The following NAALADL2 variants were observed in gnomAD, a reference collection of about 807,000 sequenced individuals.
NAALADL2 encodes the protein N-acetylated alpha-linked acidic dipeptidase like 2.
A neutral mutation model predicts 87.2 loss-of-function variants in NAALADL2; 76 were observed. The ratio of observed to expected loss-of-function variants is 0.87; its 90% confidence interval spans 0.72 to 1.05. NAALADL2 has a LOEUF of 1.05. Among genes scored for constraint, NAALADL2 ranks in the 50% least tolerant of loss-of-function variants. NAALADL2 has a pLI of 0.00. For missense variants in NAALADL2, 1,089 were observed against 945.8 expected (o/e 1.15, Z -1.99); for synonymous variants, 354 against 331.0 (o/e 1.07, Z -0.75).
At chr3:175,232,357 G>A (rs1471898155) in intron 2 of NAALADL2, among the ~76,000 whole-genome samples, 1 of 151,972 alleles carries the variant, frequency 6.6e-6, no homozygotes, top group Non-Finnish European at 1.5e-5. Flanking sequence ...TCCTGTGTAG[G>A]CCACCTTGTA....
chr3:175,369,281 A>G (rs1766125720), intron 5 of NAALADL2, among the ~76,000 whole-genome samples: 1 of 151,374 alleles, frequency 6.6e-6, no homozygotes, highest in African/African-American at 2.4e-5. Flanking sequence ...ACATTTACAT[A>G]CACCTGATAT....
intron 11 of NAALADL2, among the ~76,000 whole-genome samples, chr3:175,652,050 C>T (rs1311324671): frequency 6.6e-6 from 1 of 152,194 alleles, no homozygotes; most frequent in Non-Finnish European, 1.5e-5. Flanking sequence ...AGATACTGTA[C>T]ATCAAATTTC....
At chr3:174,832,001 TTTTC>T (rs1335421445) in intron 3 of NAALADL2, among the ~76,000 whole-genome samples, 2 of 152,078 alleles carry the variant, frequency 1.3e-5, no homozygotes, top group African/African-American at 4.8e-5. Context: ...TTCTCTCTTT[TTTTC>T]TTTATTTGTC....
At chr3:175,013,244 A>T (rs1580015025) in intron 1 of NAALADL2, among the ~76,000 whole-genome samples, 4 of 87,866 alleles carry the variant, frequency 4.6e-5, no homozygotes, top group African/African-American at 2.5e-4. Flanking sequence ...CACATATATA[A>T]AATATATAAT....
intron 2 of NAALADL2, among the ~76,000 whole-genome samples, chr3:174,597,933 T>C (rs571209245): frequency 6.6e-6 from 1 of 152,316 alleles, no homozygotes; most frequent in African/African-American, 2.4e-5. Context: ...TTTCTTTTCA[T>C]AGCACTTATC....
chr3:175,220,119 C>T (rs139636278), intron 2 of NAALADL2, among the ~76,000 whole-genome samples: 99 of 151,090 alleles, frequency 6.6e-4, no homozygotes, highest in African/African-American at 2.3e-3. Context: ...TATATAAATA[C>T]AATTTATAAA....
At chr3:175,046,486 T>C (rs1428443890) in intron 1 of NAALADL2, among the ~76,000 whole-genome samples, 1 of 152,196 alleles carries the variant, frequency 6.6e-6, no homozygotes, top group African/African-American at 2.4e-5. Flanking sequence ...GTCTGGTTTA[T>C]CTAAGCACAA....
At chr3:175,571,765 G>C (rs1718114526) in intron 9 of NAALADL2, among the ~76,000 whole-genome samples, 1 of 152,110 alleles carries the variant, frequency 6.6e-6, no homozygotes, top group Non-Finnish European at 1.5e-5. Context: ...TTTCTCTTAA[G>C]GGAAATCCCT....
chr3:175,800,681 A>T (rs1308773260), intron 13 of NAALADL2, among the ~76,000 whole-genome samples: 1 of 152,172 alleles, frequency 6.6e-6, no homozygotes, highest in South Asian at 2.1e-4. Context: ...TTATACCAAC[A>T]TTATTGAGGG....
intron 11 of NAALADL2, among the ~76,000 whole-genome samples, chr3:175,673,225 C>T (rs1189442504): frequency 6.6e-6 from 1 of 152,114 alleles, no homozygotes; most frequent in East Asian, 1.9e-4. Context: ...AACTTTTGTA[C>T]AAGTCTAAAC....
At chr3:174,992,523 A>T (rs990016439) in intron 1 of NAALADL2, among the ~76,000 whole-genome samples, 18 of 151,994 alleles carry the variant, frequency 1.2e-4, no homozygotes, top group African/African-American at 4.3e-4. Flanking sequence ...TACTAACTCA[A>T]CATGTTTTTA....
chr3:175,767,835 T>C (rs1001542111), intron 13 of NAALADL2, among the ~76,000 whole-genome samples: 5 of 152,070 alleles, frequency 3.3e-5, no homozygotes, highest in African/African-American at 1.2e-4. Flanking sequence ...TCGGAGAAAT[T>C]CTATGAATCT....
chr3:174,471,279 G>T (rs9821527), intron 1 of NAALADL2, among the ~76,000 whole-genome samples: 23,645 of 151,044 alleles, frequency 0.16, 3,195 homozygotes, highest in East Asian at 0.48. Flanking sequence ...AAATTACTCT[G>T]TCTTCTAAAA....
rs750185480 is a variant in NAALADL2 at position 175,206,264 on chromosome 3, T to TATATA, written c.546-27667_546-27666insATATA. Among the ~76,000 whole-genome samples, 327 of 69,640 alleles carry TATATA rather than the reference T, an allele frequency of 4.7e-3. 19 individuals are homozygous for TATATA. The highest frequency in any genetic ancestry group is 0.018 in the African/African-American group (310 of 16,826). The allele number at this position is 69,640 out of a possible 152,430, so 45.7% of individuals were successfully genotyped here. ...AAAAACTATATATATATATATATAT[T>TATATA]TTTTTTTTTCACTGTGTGTGTGTAT... On this transcript the variant is annotated intron_variant, in intron 2 of 13. Transcript: ENST00000454872.
In NAALADL2 at chr3:174,763,416, G is replaced by C. The variant is rs151262948; in HGVS notation, c.-9+25670G>C. Among the ~76,000 whole-genome samples the C allele has an allele frequency of 3.6e-3, 545 of 151,286 alleles. 3 individuals carry two copies. Among genetic ancestry groups the C allele is most frequent in the African/African-American group, 0.013 (524 of 41,212 alleles). On this transcript the variant is annotated intron_variant, in intron 3 of 3. Transcript: ENST00000434257. ...AGCCTGACCAACATGGTGAAACCCT[G>C]TCTCTACTAAAAATACAAAAATTAG...
Position 174,859,347 on chromosome 3 carries a change from G to T in NAALADL2, c.-61G>T, listed in dbSNP as rs1726186246. 2 of 1,276,840 alleles carry T rather than the reference G, an allele frequency of 1.6e-6. No homozygotes were observed. The highest frequency in any genetic ancestry group is 2.9e-5 in the African/African-American group (2 of 68,342). The allele number at this position is 1,276,840 out of a possible 1,614,324, so 79.1% of individuals were successfully genotyped here. ...CAGTAGAAAGTCAGAAGGTCACAAA[G>T]CTTGCAGGGTAAGTGACACAACTTG... On this transcript the variant is annotated 5_prime_UTR_variant, in exon 1 of 14. Coordinates refer to ENST00000454872, the MANE Select transcript of NAALADL2 (RefSeq NM_207015.3).
chr3:175,413,838 T>C (rs1464527076), intron 5 of NAALADL2, among the ~76,000 whole-genome samples: 1 of 151,932 alleles, frequency 6.6e-6, no homozygotes, highest in African/African-American at 2.4e-5. Flanking sequence ...TAAAATAAAA[T>C]AAAAATAAAA....
intron 4 of NAALADL2, among the ~76,000 whole-genome samples, chr3:175,309,830 T>G (rs752573512): frequency 1.6e-4 from 25 of 152,342 alleles, no homozygotes; most frequent in Middle Eastern, 6.9e-3. Context: ...CCTTTGAATC[T>G]GCTAGTCATT....
At chr3:174,853,201 C>CCAAAAAA (rs1725458263) in intron 3 of NAALADL2, among the ~76,000 whole-genome samples, 2 of 45,622 alleles carry the variant, frequency 4.4e-5, no homozygotes, top group Non-Finnish European at 3.8e-5. Flanking sequence ...CCGTCTCTAC[C>CCAAAAAA]AAAAAAAAAA....
Sources: allele counts gnomAD v4.1 joint callset (sites outside exome capture counted in the v4.1 genomes callset), GRCh38; gene constraint gnomAD v4.1.1; transcripts MANE v1.5; gene names NCBI Gene and HGNC (gene_info 2026-07-23, HGNC 2026-07-21).